Variants in VPS8 observed in about 807,000 individuals in gnomAD.
VPS8 encodes VPS8 subunit of CORVET complex.
Under a neutral mutation model 216.4 loss-of-function variants are expected in VPS8, and 129 were observed. The ratio of observed to expected loss-of-function variants is 0.60; its 90% CI spans 0.52 to 0.69. The LOEUF (loss-of-function observed/expected upper bound fraction) is 0.69, where lower values mean the gene tolerates loss of function less well. Among genes scored for constraint, VPS8 ranks in the 30% least tolerant of loss-of-function variants. The pLI, the probability that VPS8 is intolerant of heterozygous loss-of-function variation, is 0.00. For synonymous variants in VPS8, 571 were observed against 565.4 expected (o/e 1.01, Z -0.14); for missense variants, 1,531 against 1,683.5 (o/e 0.91, Z 1.59).
At position 184,996,468 on chromosome 3, in the gene VPS8, G is replaced by A. The variant is rs762578556; in HGVS notation, c.3803G>A (p.Arg1268His). 1.2e-5 allele frequency: 20 copies of A among 1,606,916 alleles called. No homozygotes were observed. The highest frequency in any genetic ancestry group is 1.7e-5 in the Admixed American group (1 of 57,686). ...CSICLQQYKRRQEMADEIIVF... is the reference protein window; with the variant it reads ...CSICLQQYKRHQEMADEIIVF... ...ATATGTTTGCAGCAGTACAAGAGAC[G>A]CCAAGAAATGGCTGATGAAATAATT... The change falls in exon 44 of 48, where the codon CGC becomes CAC. Residue 1268 changes from arginine (R) to histidine (H), a missense_variant. By Grantham distance (29) the Arg-to-His change is conservative. This residue lies in a region of VPS8 where 1,318 missense variants were observed against 1,468.4 expected (regional missense o/e 0.90). Coordinates refer to ENST00000625842, the MANE Select transcript of VPS8 (RefSeq NM_001009921.3).
chr3:184,950,790 T>G (rs1474490415), intron 36 of VPS8, among the ~76,000 whole-genome samples: 1 of 152,050 alleles, frequency 6.6e-6, no homozygotes, highest in Non-Finnish European at 1.5e-5. Context: ...ATCGTTCAGC[T>G]CCCTCTTATG....
intron 35 of VPS8, among the ~76,000 whole-genome samples, chr3:184,936,655 A>G (rs1387511974): frequency 1.1e-4 from 16 of 151,598 alleles, no homozygotes. Flanking sequence ...CATTTCTGGA[A>G]CTATAATGTA....
rs565080335 is a variant in VPS8 at position 184,822,349 on chromosome 3, A to G, written c.-88-2196A>G. On this transcript the variant is annotated intron_variant, in intron 1 of 47. Transcript: ENST00000625842. Reference sequence around the variant, plus strand: ...GGTAGCTTGGTGGGATGATGTCTTCAGGGAGTGCCTGATCACCTGACACTT... The same window carrying G: ...GGTAGCTTGGTGGGATGATGTCTTCGGGGAGTGCCTGATCACCTGACACTT... 1.3e-4 allele frequency among the ~76,000 whole-genome samples: 20 copies of G among 152,294 alleles called. No individual in the cohort carries two copies. In the South Asian group the frequency reaches 1.4e-3, roughly 11 times the overall value.
At chr3:184,969,291 T>G (rs1191491433) in intron 39 of VPS8, among the ~76,000 whole-genome samples, 1 of 151,492 alleles carries the variant, frequency 6.6e-6, no homozygotes, top group African/African-American at 2.4e-5. Context: ...CTAATTTTTG[T>G]ATTTTTAGTA....
rs1747096276 is a variant in VPS8 at position 184,964,691 on chromosome 3, A to G, written c.3273+134A>G. On this transcript the variant is annotated intron_variant, in intron 38 of 47. Transcript: ENST00000625842. ...ACCCCTGAATATTTTTATCATGCAT[A>G]GCATTAACTAGAGTTTAATATTTCT... is the stretch of plus-strand genomic sequence containing the variant. 3.1e-5 allele frequency: 14 copies of G among 445,732 alleles called. No homozygotes were observed. The South Asian group carries it at 8.9e-4, about 28-fold the overall frequency. 27.6% of individuals were successfully genotyped at this position (445,732 alleles called of 1,614,324 possible).
chr3:185,019,434 G>T (rs1040080205), intron 45 of VPS8, among the ~76,000 whole-genome samples: 1 of 152,152 alleles, frequency 6.6e-6, no homozygotes, highest in African/African-American at 2.4e-5. Flanking sequence ...CTCTAACAGA[G>T]ATTTACCTAC....
chr3:184,942,450 G>T (rs574475907), intron 36 of VPS8, among the ~76,000 whole-genome samples: 1 of 152,264 alleles, frequency 6.6e-6, no homozygotes. Context: ...GAGTCAGCGT[G>T]CTCACAGGCC....
At position 184,957,528 on chromosome 3, in the gene VPS8, C is replaced by T. The variant is rs369690879; in HGVS notation, c.3183+7C>T. 42 of 1,605,270 alleles carry T rather than the reference C, an allele frequency of 2.6e-5. No individual in the cohort carries two copies. The East Asian group carries it at 7.4e-4, about 28-fold the overall frequency. On this transcript the variant is annotated splice_region_variant and intron_variant, in intron 37 of 47. Transcript: ENST00000625842. ...TCTGGAAGAAACTATTCAGGTGAGA[C>T]GAACAATGTAAAAGAGACAAGAGTA... is the stretch of plus-strand genomic sequence containing the variant.
intron 24 of VPS8, among the ~76,000 whole-genome samples, chr3:184,899,263 A>C (rs6762956): frequency 0.23 from 34,680 of 152,134 alleles, 5,438 homozygotes; most frequent in African/African-American, 0.45. Flanking sequence ...AGAATAGTGG[A>C]GAATGAGTTG....
intron 16 of VPS8, 114 bp from the exon 17 acceptor site, chr3:184,866,762 A>G: frequency 1.1e-6 from 1 of 920,752 alleles, no homozygotes; most frequent in Middle Eastern, 2.6e-4. Context: ...TGTAAACTAT[A>G]ATCACTAAAA....
At position 185,014,087 on chromosome 3, in the gene VPS8, C is replaced by G. The variant is rs182147673; in HGVS notation, c.4003-10249C>G. ...GTGTCATAGAGTGATTACATACAGG[C>G]ATTATTGCCAGCCAAAATGGATAAA... On this transcript the variant is annotated intron_variant, in intron 45 of 47. Transcript: ENST00000625842. Among the ~76,000 whole-genome samples the G allele has an allele frequency of 1.0e-3, 158 of 152,202 alleles. 1 individual carries two copies. The highest frequency in any genetic ancestry group is 3.1e-3 in the Admixed American group (47 of 15,274).
intron 46 of VPS8, among the ~76,000 whole-genome samples, chr3:185,036,749 C>T (rs73190917): frequency 2.1e-4 from 32 of 151,628 alleles, no homozygotes; most frequent in Non-Finnish European, 4.1e-4. Flanking sequence ...TATTTAGTAC[C>T]TCTAGTAATA....
At chr3:184,999,145 C>T (rs1424019257) in intron 44 of VPS8, among the ~76,000 whole-genome samples, 2 of 152,288 alleles carry the variant, frequency 1.3e-5, no homozygotes, top group East Asian at 3.9e-4. Context: ...GCAACCTCCG[C>T]CTCCCGGGTT....
Position 184,900,901 on chromosome 3 carries a change from T to C in VPS8, c.2095-20T>C, listed in dbSNP as rs777851307. The C allele has an allele frequency of 6.3e-6, 10 of 1,592,234 alleles. No homozygotes were observed. Among genetic ancestry groups the C allele is most frequent in the Middle Eastern group, 1.7e-4 (1 of 5,946 alleles). On this transcript the variant is annotated intron_variant, in intron 24 of 47. Coordinates refer to ENST00000625842, the MANE Select transcript of VPS8 (RefSeq NM_001009921.3). ...TCATTTGAGATGATGATGATTGTTT[T>C]CCTATTAATTTTAATGCAGAAACTT...
In VPS8 at chr3:184,824,565, G is replaced by A. The variant is rs187849135; in HGVS notation, c.-68G>A. 74 of 1,493,014 alleles carry A rather than the reference G, an allele frequency of 5.0e-5. No individual in the cohort carries two copies. The East Asian group carries it at 8.7e-4, about 18-fold the overall frequency. 92.5% of individuals were successfully genotyped at this position (1,493,014 alleles called of 1,614,324 possible). ...AAAAGAGATAATCATTCAGGTCTTC[G>A]TGAGCTAAGGCCAAACAAACAAAAA... On this transcript the variant is annotated 5_prime_UTR_variant, in exon 2 of 48. It adds an upstream start codon to the 5' untranslated region. Coordinates refer to ENST00000625842, the MANE Select transcript of VPS8 (RefSeq NM_001009921.3).
intron 45 of VPS8, 60 bp from the exon 46 acceptor site, chr3:185,024,276 G>A: frequency 2.1e-6 from 3 of 1,434,202 alleles, no homozygotes; most frequent in Non-Finnish European, 2.9e-6. Context: ...TTTGAATGTG[G>A]GTCAGACAAA....
chr3:185,022,665 T>G (rs2110068429), intron 45 of VPS8, among the ~76,000 whole-genome samples: 1 of 152,340 alleles, frequency 6.6e-6, no homozygotes, highest in South Asian at 2.1e-4. Context: ...CTTTCATTGC[T>G]GATACTGGTA....
chr3:184,922,502 A>T, intron 29 of VPS8: 1 of 441,292 alleles, frequency 2.3e-6, no homozygotes, highest in Non-Finnish European at 4.5e-6. Flanking sequence ...GTTACATTGT[A>T]ATTTGAGTTT....
chr3:184,897,016 C>T (rs925973054), intron 23 of VPS8, among the ~76,000 whole-genome samples: 4 of 152,030 alleles, frequency 2.6e-5, no homozygotes, highest in Admixed American at 1.3e-4. Context: ...ATTTTTGTCT[C>T]GGGTGTTCAA....
Sources: allele counts gnomAD v4.1 joint callset (sites outside exome capture counted in the v4.1 genomes callset), GRCh38; gene constraint gnomAD v4.1.1; regional missense constraint gnomAD v4.1.1; transcripts MANE v1.5; gene names NCBI Gene and HGNC (gene_info 2026-07-23, HGNC 2026-07-21).